Variants in CRACDL observed in about 807,000 individuals in gnomAD.
CRACDL encodes the protein CRACD like.
Under a neutral mutation model 70.6 loss-of-function variants are expected in CRACDL, and 26 were observed. That is an observed-to-expected ratio of 0.37 (90% CI 0.27 to 0.51). CRACDL has a LOEUF of 0.51. CRACDL is among the 20% of genes least tolerant of loss of function. The probability of loss-of-function intolerance (pLI) is 0.94; values close to 1 mark genes in which losing one functional copy is unlikely to be tolerated. For missense variants in CRACDL, 1,283 were observed against 1,376.9 expected (o/e 0.93, Z 1.08); for synonymous variants, 618 against 615.2 (o/e 1.00, Z -0.07).
Position 98,822,189 on chromosome 2 carries a change from T to C in CRACDL, c.2084A>G (p.Tyr695Cys), listed in dbSNP as rs755778929. 1.9e-6 allele frequency: 3 copies of C among 1,611,078 alleles called. No homozygotes were observed. Among genetic ancestry groups the C allele is most frequent in the Admixed American group, 1.7e-5 (1 of 59,876 alleles). Residue 695 changes from tyrosine (Y) to cysteine (C), a missense_variant, in exon 7 of 10, where the codon TAC (tyrosine) becomes TGC (cysteine). Transcript: ENST00000397899. The surrounding 1 kb of genome is among the most constrained non-coding windows in gnomAD (Gnocchi z 4.9). ...KLRSTSLSLK[Y>C]RDGASQEVKG... is the part of the protein sequence containing the mutation. ...CACCTCCTGAGAGGCGCCATCCCTG[T>C]ATTTGAGCGAGAGGGAGGTGGACCG...
Position 98,823,141 on chromosome 2 carries a change from CG to C in CRACDL, c.1131del (p.Ala378GlnfsTer121), listed in dbSNP as rs767494728. On this transcript the variant is annotated frameshift_variant, in exon 7 of 10. Coordinates refer to ENST00000397899, the MANE Select transcript of CRACDL (RefSeq NM_207362.3). LOFTEE classifies it high-confidence loss of function. This position sits in a 1 kb window ranked among gnomAD's most constrained non-coding sequence, Gnocchi z 4.0. ...TCCGTGGCCGGGGCACACGGGCCTG[CG>C]GGGGGCGCCTCCCCATCCTGCTTTC... is the stretch of plus-strand genomic sequence containing the variant. ...DGGKQDGEAP[P>X]AGPCAPATDK... 10 of 1,559,414 alleles carry C rather than the reference CG, an allele frequency of 6.4e-6. No homozygotes were observed. Among genetic ancestry groups the C allele is most frequent in the Admixed American group, 3.7e-5 (2 of 53,592 alleles).
At chr2:98,847,238 C>G (rs555799640) in intron 1 of CRACDL, among the ~76,000 whole-genome samples, 1 of 152,154 alleles carries the variant, frequency 6.6e-6, no homozygotes. Context: ...TAATTTTTTA[C>G]GCAAATATTT....
intron 6 of CRACDL, among the ~76,000 whole-genome samples, 170 bp downstream of exon 6, chr2:98,826,805 T>C (rs1299865793): frequency 6.6e-6 from 1 of 151,424 alleles, no homozygotes; most frequent in Non-Finnish European, 1.5e-5. Flanking sequence ...ATCTGGTTTA[T>C]GTTTAAAAAG....
intron 1 of CRACDL, among the ~76,000 whole-genome samples, chr2:98,876,067 T>A (rs1210181396): frequency 1.3e-5 from 2 of 152,344 alleles, no homozygotes; most frequent in African/African-American, 4.8e-5. Context: ...CAAAAGCCAG[T>A]GTGCTCCAGT....
rs538900244 is a variant in CRACDL at position 98,898,851 on chromosome 2, G to A, written c.-11+37087C>T. On this transcript the variant is annotated intron_variant, in intron 1 of 9. Transcript: ENST00000397899. The stretch of plus-strand genomic sequence containing the variant: ...AATAGCAAGAGCCTATTTCAAAGAA[G>A]ATAATATTTTTTTTCTTAAATAGAA... Among the ~76,000 whole-genome samples, 5 of 152,304 alleles carry A rather than the reference G, an allele frequency of 3.3e-5. No individual in the cohort carries two copies. In the South Asian group the frequency reaches 1.0e-3, roughly 32 times the overall value.
rs1232919703 is a variant in CRACDL, at chr2:98,864,605, G to C, written c.-10-17795C>G. Among the ~76,000 whole-genome samples the C allele has an allele frequency of 3.3e-5, 5 of 151,060 alleles. No individual in the cohort carries two copies. The South Asian group carries it at 1.0e-3, about 32-fold the overall frequency. ...TCCATCACCCAGGTTTGAGTGCAGC[G>C]GCACGATCTCGGCTCACTGCAACCT... is the stretch of plus-strand genomic sequence containing the variant. On this transcript the variant is annotated intron_variant, in intron 1 of 9. Coordinates refer to ENST00000397899, the MANE Select transcript of CRACDL (RefSeq NM_207362.3).
chr2:98,820,823 C>T (rs772882274), intron 7 of CRACDL, among the ~76,000 whole-genome samples: 2 of 152,170 alleles, frequency 1.3e-5, no homozygotes, highest in Non-Finnish European at 2.9e-5. Context: ...CTTGTGATTC[C>T]AATATATGGA....
chr2:98,799,645 T>G (rs1398392732), intron 7 of CRACDL, among the ~76,000 whole-genome samples: 2 of 152,234 alleles, frequency 1.3e-5, no homozygotes, highest in African/African-American at 4.8e-5. Context: ...TCATTGTCCC[T>G]TGAAGGTCCA....
At chr2:98,826,342 T>TGTTCA (rs1367627943) in intron 6 of CRACDL, among the ~76,000 whole-genome samples, 1 of 152,238 alleles carries the variant, frequency 6.6e-6, no homozygotes, top group African/African-American at 2.4e-5. Context: ...CTCATTTGTT[T>TGTTCA]GTTCAGTGGT....
chr2:98,878,087 C>T (rs1256598649), intron 1 of CRACDL, among the ~76,000 whole-genome samples: 1 of 152,026 alleles, frequency 6.6e-6, no homozygotes, highest in African/African-American at 2.4e-5. Context: ...GCTGGGAGTA[C>T]AGGCGTGCGC....
At chr2:98,903,153 C>T (rs1346528042) in intron 1 of CRACDL, among the ~76,000 whole-genome samples, 3 of 152,132 alleles carry the variant, frequency 2.0e-5, no homozygotes, top group Non-Finnish European at 4.4e-5. Flanking sequence ...CAGAAGCCTG[C>T]GGAGAGCTCA....
chr2:98,828,858 C>T (rs1705423285), intron 5 of CRACDL, among the ~76,000 whole-genome samples: 1 of 152,212 alleles, frequency 6.6e-6, no homozygotes, highest in Non-Finnish European at 1.5e-5. Context: ...GTGGCTTTGG[C>T]TCTCACTGTG....
chr2:98,916,882 C>T (rs961440870), intron 1 of CRACDL, among the ~76,000 whole-genome samples: 2 of 152,120 alleles, frequency 1.3e-5, no homozygotes, highest in Non-Finnish European at 2.9e-5. Flanking sequence ...ACCTGTCCTT[C>T]GGTATACTTC....
At chr2:98,872,008 T>C (rs1049007960) in intron 1 of CRACDL, among the ~76,000 whole-genome samples, 16 of 152,172 alleles carry the variant, frequency 1.1e-4, no homozygotes, top group African/African-American at 3.9e-4. Flanking sequence ...AATGAAATCA[T>C]GTCCTTTCCA....
chr2:98,808,077 A>G (rs1704393825), intron 7 of CRACDL, among the ~76,000 whole-genome samples: 1 of 152,238 alleles, frequency 6.6e-6, no homozygotes, highest in African/African-American at 2.4e-5. Flanking sequence ...AATTTCGCTT[A>G]CATTTACATT....
chr2:98,795,514 T>C (rs1056241227), intron 9 of CRACDL, among the ~76,000 whole-genome samples: 1 of 152,152 alleles, frequency 6.6e-6, no homozygotes, highest in Non-Finnish European at 1.5e-5. Context: ...GGCAAATCTA[T>C]AGAGACAGAG....
chr2:98,903,750 A>G (rs1708339868), intron 1 of CRACDL, among the ~76,000 whole-genome samples: 3 of 152,230 alleles, frequency 2.0e-5, no homozygotes, highest in African/African-American at 7.2e-5. Context: ...TTGCTTTTGA[A>G]GTTAGTCTCA....
At chr2:98,859,092 C>T (rs1442642747) in intron 1 of CRACDL, among the ~76,000 whole-genome samples, 1 of 152,154 alleles carries the variant, frequency 6.6e-6, no homozygotes, top group Admixed American at 6.5e-5. Flanking sequence ...TTCACAAACG[C>T]CTCTCAAAAA....
At chr2:98,856,215 A>G (rs879347664) in intron 1 of CRACDL, among the ~76,000 whole-genome samples, 3 of 152,228 alleles carry the variant, frequency 2.0e-5, no homozygotes, top group Non-Finnish European at 4.4e-5. Flanking sequence ...ACTTGAAAGC[A>G]GCAAGAGAAA....
Sources: gnomAD v4.1 joint callset for allele counts (sites outside exome capture counted in the v4.1 genomes callset) on GRCh38, gnomAD v4.1.1 for gene constraint, Gnocchi (gnomAD v3.1) non-coding constraint, MANE v1.5 for transcripts, NCBI Gene and HGNC (gene_info 2026-07-23, HGNC 2026-07-21) for gene names.